The following VPS13B variants were observed in gnomAD, a reference collection of about 807,000 sequenced individuals.
VPS13B encodes intermembrane lipid transfer protein VPS13B.
In VPS13B, 285 loss-of-function variants were observed where a neutral mutation model predicts 426.4. That is an observed-to-expected ratio of 0.67 (90% CI 0.61 to 0.74). The LOEUF (loss-of-function observed/expected upper bound fraction) is 0.74, where lower values mean the gene tolerates loss of function less well. VPS13B is among the 30% of genes least tolerant of loss of function. The pLI, the probability that VPS13B is intolerant of heterozygous loss-of-function variation, is 0.00. For missense variants in VPS13B, 4,537 were observed against 4,782.6 expected (o/e 0.95, Z 1.51); for synonymous variants, 1,676 against 1,676.4 (o/e 1.00, Z 0.01).
chr8:99,603,422 A>C (rs1032977637), intron 33 of VPS13B, among the ~76,000 whole-genome samples: 1 of 152,254 alleles, frequency 6.6e-6, no homozygotes, highest in Non-Finnish European at 1.5e-5. Context: ...AACAGTAACT[A>C]ATAATAACTA....
rs542455961 is a variant in VPS13B, at chr8:99,183,354, C to T, written c.2334-9522C>T. 2.6e-5 allele frequency among the ~76,000 whole-genome samples: 4 copies of T among 152,060 alleles called. No individual in the cohort carries two copies. The South Asian group carries it at 8.3e-4, about 32-fold the overall frequency. ...TTTTTTTTGAAGAATTTTTTCTTTG[C>T]ATGAAATTTTACTCTGGAGATTAAT... is the stretch of plus-strand genomic sequence containing the variant. On this transcript the variant is annotated intron_variant, in intron 16 of 61. Transcript: ENST00000357162.
At chr8:99,269,946 G>A (rs1377814319) in intron 17 of VPS13B, among the ~76,000 whole-genome samples, 3 of 151,586 alleles carry the variant, frequency 2.0e-5, no homozygotes. Context: ...TGAGCTTTTA[G>A]CACTAAAAAC....
chr8:99,201,632 A>G (rs1814331849), intron 17 of VPS13B, among the ~76,000 whole-genome samples: 1 of 152,188 alleles, frequency 6.6e-6, no homozygotes, highest in African/African-American at 2.4e-5. Flanking sequence ...TGCTACAATA[A>G]TGAATCCTTC....
intron 17 of VPS13B, among the ~76,000 whole-genome samples, chr8:99,261,056 C>T (rs1818013982): frequency 6.6e-6 from 1 of 151,828 alleles, no homozygotes; most frequent in Admixed American, 6.6e-5. Flanking sequence ...ATAGTCTCTC[C>T]CCTATTATCA....
At chr8:99,784,206 C>A in intron 42 of VPS13B, 109 bp from the exon 43 acceptor site, 1 of 1,399,124 alleles carries the variant, frequency 7.1e-7, no homozygotes, top group South Asian at 1.2e-5. Flanking sequence ...CTAATGACAA[C>A]AGATCTTTTA....
chr8:99,388,005 T>G (rs944707988), intron 20 of VPS13B, among the ~76,000 whole-genome samples: 4 of 152,196 alleles, frequency 2.6e-5, no homozygotes, highest in Non-Finnish European at 5.9e-5. Context: ...AATGAAAATT[T>G]GTAAGAAGGT....
intron 19 of VPS13B, among the ~76,000 whole-genome samples, chr8:99,316,697 C>A (rs1809678695): frequency 6.6e-6 from 1 of 152,146 alleles, no homozygotes; most frequent in South Asian, 2.1e-4. Context: ...TGTTTTTTCT[C>A]ACTCTTGTTG....
At chr8:99,573,997 C>T (rs1825627646) in intron 31 of VPS13B, among the ~76,000 whole-genome samples, 2 of 152,232 alleles carry the variant, frequency 1.3e-5, no homozygotes, top group South Asian at 4.1e-4. Context: ...TTGTAGTTCT[C>T]CTTGAAGAGG....
chr8:99,153,525 A>G (rs918964346), intron 14 of VPS13B, among the ~76,000 whole-genome samples: 1 of 152,180 alleles, frequency 6.6e-6, no homozygotes, highest in African/African-American at 2.4e-5. Context: ...AACTAATTCA[A>G]GTCCACTTTC....
At position 99,725,297 on chromosome 8, in the gene VPS13B, T is replaced by C. The variant is rs1210905690; in HGVS notation, c.7050+4250T>C. ...CTTTACAGCAGGGTCCCCCAGCCCA[T>C]GGCCTGTTAGGAACCAGGCCACACA... On this transcript the variant is annotated intron_variant, in intron 39 of 61. Coordinates refer to ENST00000357162, the MANE Select transcript of VPS13B (RefSeq NM_152564.5). Among the ~76,000 whole-genome samples the C allele has an allele frequency of 2.6e-5, 4 of 152,198 alleles. No individual in the cohort carries two copies. The East Asian group carries it at 7.7e-4, about 29-fold the overall frequency.
At chr8:99,693,189 A>G (rs989666875) in intron 35 of VPS13B, among the ~76,000 whole-genome samples, 14 of 151,272 alleles carry the variant, frequency 9.3e-5, no homozygotes, top group Non-Finnish European at 1.9e-4. Flanking sequence ...TCCCTATCTC[A>G]TTTTATGAGG....
chr8:99,497,140 ATATATATT>A (rs1820936884), intron 25 of VPS13B, among the ~76,000 whole-genome samples: 1 of 138,518 alleles, frequency 7.2e-6, no homozygotes, highest in African/African-American at 2.8e-5. Context: ...ATATATAAAT[ATATATATT>A]TATGTAATAT....
At chr8:99,462,696 C>A (rs184656249) in intron 23 of VPS13B, among the ~76,000 whole-genome samples, 56 of 152,180 alleles carry the variant, frequency 3.7e-4, no homozygotes, top group Admixed American at 9.8e-4. Context: ...ATGTTGAGCC[C>A]TTAACATCCA....
At chr8:99,425,132 A>C (rs993693037) in intron 21 of VPS13B, among the ~76,000 whole-genome samples, 108 of 152,304 alleles carry the variant, frequency 7.1e-4, no homozygotes, top group African/African-American at 2.5e-3. Flanking sequence ...ATTCTACGAG[A>C]GGTACAAGGA....
At chr8:99,864,789 C>T (rs77409765) in intron 58 of VPS13B, among the ~76,000 whole-genome samples, 2,717 of 152,256 alleles carry the variant, frequency 0.018, 91 homozygotes, top group African/African-American at 0.062. Flanking sequence ...TGAGGTAAAG[C>T]GACTTAGCCA....
chr8:99,452,811 G>A (rs527694826), intron 23 of VPS13B, among the ~76,000 whole-genome samples: 2 of 152,286 alleles, frequency 1.3e-5, no homozygotes, highest in South Asian at 4.1e-4. Context: ...CAATTGCTGT[G>A]GAAAGGGAGA....
intron 19 of VPS13B, among the ~76,000 whole-genome samples, chr8:99,280,178 A>G (rs1819101391): frequency 6.6e-6 from 1 of 151,806 alleles, no homozygotes; most frequent in South Asian, 2.1e-4. Context: ...GTGGTTATGT[A>G]TTTACATATA....
At chr8:99,442,677 G>A (rs1195350271) in intron 23 of VPS13B, 42 bp downstream of exon 23, 1 of 1,567,316 alleles carries the variant, frequency 6.4e-7, no homozygotes, top group Admixed American at 1.7e-5. Context: ...TGTTTTATAT[G>A]GACATTTTTA....
intron 30 of VPS13B, 105 bp from the exon 31 acceptor site, chr8:99,556,344 AG>A: frequency 2.4e-6 from 3 of 1,245,400 alleles, no homozygotes; most frequent in Non-Finnish European, 3.4e-6. Context: ...AGTAATCCAA[AG>A]GAAAAAAATG....
Sources: allele counts gnomAD v4.1 joint callset (sites outside exome capture counted in the v4.1 genomes callset), GRCh38; gene constraint gnomAD v4.1.1; transcripts MANE v1.5; gene names NCBI Gene and HGNC (gene_info 2026-07-23, HGNC 2026-07-21).